The following IQCM variants were observed in gnomAD, a reference collection of about 807,000 sequenced individuals.
IQCM encodes the protein IQ domain-containing protein M.
IQCM carries 45 observed loss-of-function variants against 57.6 expected under a neutral mutation model. The observed-to-expected ratio is 0.78, with a 90% confidence interval of 0.62 to 1.00. IQCM has a LOEUF of 1.00. IQCM is among the 50% of genes least tolerant of loss of function. IQCM has a pLI of 0.00. For synonymous variants in IQCM, 148 were observed against 158.9 expected (o/e 0.93, Z 0.51); for missense variants, 468 against 511.6 (o/e 0.91, Z 0.82).
chr4:149,763,382 T>C (rs534173821), intron 2 of IQCM, among the ~76,000 whole-genome samples: 1 of 152,118 alleles, frequency 6.6e-6, no homozygotes, highest in South Asian at 2.1e-4. Flanking sequence ...ATTGAGGATA[T>C]ACACAAAAAT....
intron 12 of IQCM, among the ~76,000 whole-genome samples, chr4:149,476,011 T>C (rs1292263960): frequency 6.6e-6 from 1 of 151,864 alleles, no homozygotes; most frequent in African/African-American, 2.4e-5. Context: ...GAGGTGAAGG[T>C]TTTTTAAGAT....
chr4:149,453,258 G>A (rs1228005394), intron 12 of IQCM, among the ~76,000 whole-genome samples: 1 of 151,756 alleles, frequency 6.6e-6, no homozygotes, highest in African/African-American at 2.4e-5. Context: ...CTCCTAGAAG[G>A]AAAGACAGGA....
At chr4:149,512,751 CA>C (rs375837459) in intron 12 of IQCM, among the ~76,000 whole-genome samples, 67 of 151,582 alleles carry the variant, frequency 4.4e-4, no homozygotes, top group African/African-American at 1.4e-3. Context: ...ATATGTGTTT[CA>C]AAAAAAATAA....
chr4:149,468,245 A>G (rs1739085800), intron 12 of IQCM, among the ~76,000 whole-genome samples: 1 of 152,158 alleles, frequency 6.6e-6, no homozygotes, highest in Admixed American at 6.5e-5. Flanking sequence ...GCCATGACCA[A>G]CAGTACCTGG....
At position 149,505,928 on chromosome 4, in the gene IQCM, G is replaced by A. The variant is rs1743767953; in HGVS notation, c.1228+42527C>T. Among the ~76,000 whole-genome samples the A allele has an allele frequency of 2.0e-5, 3 of 152,170 alleles. No homozygotes were observed. In the East Asian group the frequency reaches 5.8e-4, roughly 29 times the overall value. On this transcript the variant is annotated intron_variant, in intron 12 of 13. Transcript: ENST00000636793. ...AAGCAGAAGATGATGAGTAGTAAAT[G>A]TCAAAACATTCTAAATTTGTTAAGG...
intron 7 of IQCM, among the ~76,000 whole-genome samples, chr4:149,650,051 C>G (rs1449725369): frequency 6.6e-6 from 1 of 152,026 alleles, no homozygotes; most frequent in Non-Finnish European, 1.5e-5. Context: ...ATAGTAGGCC[C>G]CATGTTATGG....
At chr4:149,474,666 G>A (rs1250391973) in intron 12 of IQCM, among the ~76,000 whole-genome samples, 1 of 151,714 alleles carries the variant, frequency 6.6e-6, no homozygotes, top group African/African-American at 2.4e-5. Context: ...GCAGTGAGCC[G>A]AGATCGTGTC....
chr4:149,435,489 T>C (rs1735268334), intron 12 of IQCM, among the ~76,000 whole-genome samples: 1 of 152,082 alleles, frequency 6.6e-6, no homozygotes, highest in Admixed American at 6.6e-5. Flanking sequence ...TTACATTTAT[T>C]ATCATAAATG....
chr4:149,732,755 TA>T (rs1422025023), intron 5 of IQCM, among the ~76,000 whole-genome samples: 6 of 152,196 alleles, frequency 3.9e-5, no homozygotes, highest in African/African-American at 1.4e-4. Context: ...TCACTTTGCT[TA>T]AAGCGATCTC....
chr4:149,472,063 GACAGGGATGCCCTCTCTCACC>G (rs1739623038), intron 12 of IQCM, among the ~76,000 whole-genome samples: 1 of 152,158 alleles, frequency 6.6e-6, no homozygotes, highest in African/African-American at 2.4e-5. Flanking sequence ...ACTAGCACAA[GACAGGGATGCCCTCTCTCACC>G]ACTCCTATTT....
intron 8 of IQCM, among the ~76,000 whole-genome samples, chr4:149,595,798 C>T (rs1309023585): frequency 3.3e-5 from 5 of 152,118 alleles, no homozygotes; most frequent in Non-Finnish European, 7.4e-5. Flanking sequence ...AGCCATATAA[C>T]CACCCATGGG....
At chr4:149,648,302 A>G (rs1161110967) in intron 7 of IQCM, among the ~76,000 whole-genome samples, 1 of 152,084 alleles carries the variant, frequency 6.6e-6, no homozygotes, top group African/African-American at 2.4e-5. Context: ...ATTGTCTTTA[A>G]AAAACAATTT....
chr4:149,579,028 A>C (rs1751924319), intron 9 of IQCM, among the ~76,000 whole-genome samples: 1 of 151,840 alleles, frequency 6.6e-6, no homozygotes, highest in African/African-American at 2.4e-5. Context: ...GATTTCATTC[A>C]TTCTCATTGC....
intron 5 of IQCM, among the ~76,000 whole-genome samples, chr4:149,714,565 G>A (rs1435940124): frequency 6.6e-6 from 1 of 152,106 alleles, no homozygotes; most frequent in Non-Finnish European, 1.5e-5. Context: ...AAGACCCCTA[G>A]TGGATGCCTG....
At chr4:149,735,797 T>C (rs915725504) in intron 3 of IQCM, among the ~76,000 whole-genome samples, 5 of 152,314 alleles carry the variant, frequency 3.3e-5, no homozygotes, top group African/African-American at 1.2e-4. Context: ...TATGAAGCTG[T>C]ACATTTCCTC....
chr4:149,374,987 GTGTGTGTGTGT>G (rs748580046), intron 13 of IQCM, among the ~76,000 whole-genome samples: 12 of 124,114 alleles, frequency 9.7e-5, no homozygotes, highest in South Asian at 2.7e-4. Flanking sequence ...GTGTGTGTGT[GTGTGTGTGTGT>G]TGTGTGTGTG....
intron 6 of IQCM, among the ~76,000 whole-genome samples, chr4:149,685,497 G>T (rs182264768): frequency 2.0e-5 from 3 of 151,404 alleles, no homozygotes; most frequent in Non-Finnish European, 4.4e-5. Context: ...TCTGAGTATT[G>T]TATGACACTT....
intron 2 of IQCM, among the ~76,000 whole-genome samples, chr4:149,762,039 A>T (rs193167338): frequency 6.6e-6 from 1 of 152,218 alleles, no homozygotes; most frequent in Admixed American, 6.5e-5. Flanking sequence ...AGCTTATCAT[A>T]AAGAACTGAA....
chr4:149,552,277 C>A (rs1430648259), intron 11 of IQCM, among the ~76,000 whole-genome samples: 2 of 152,158 alleles, frequency 1.3e-5, no homozygotes, highest in Non-Finnish European at 2.9e-5. Context: ...TAATCCCTTT[C>A]TTCATGGACC....
Sources: allele counts gnomAD v4.1 joint callset (sites outside exome capture counted in the v4.1 genomes callset), GRCh38; gene constraint gnomAD v4.1.1; transcripts MANE v1.5; gene names NCBI Gene and HGNC (gene_info 2026-07-23, HGNC 2026-07-21).